OCA2: variants seen among roughly 807,000 people sequenced by gnomAD.
The protein encoded by OCA2 is P protein.
In OCA2, 77 loss-of-function variants were observed where a neutral mutation model predicts 100.2. That is an observed-to-expected ratio of 0.77 (90% CI 0.64 to 0.93). The LOEUF (loss-of-function observed/expected upper bound fraction) is 0.93. Among genes scored for constraint, OCA2 ranks in the 40% least tolerant of loss-of-function variants. The probability of loss-of-function intolerance (pLI) is 0.00; values close to 1 mark genes in which losing one functional copy is unlikely to be tolerated. For missense variants in OCA2, 1,062 were observed against 1,089.1 expected (o/e 0.98, Z 0.35); for synonymous variants, 432 against 439.2 (o/e 0.98, Z 0.21).
chr15:28,018,972 A>C (rs1595831805), intron 6 of OCA2, among the ~76,000 whole-genome samples: 1 of 152,234 alleles, frequency 6.6e-6, no homozygotes, highest in Non-Finnish European at 1.5e-5. Flanking sequence ...CAAAACACCA[A>C]GCTCAGCTGT....
At chr15:27,907,583 A>C (rs2038226395) in intron 19 of OCA2, among the ~76,000 whole-genome samples, 1 of 152,216 alleles carries the variant, frequency 6.6e-6, no homozygotes. Flanking sequence ...TTTTGAAAAA[A>C]ATTAACAAGA....
At chr15:27,777,284 C>G (rs540863622) in intron 23 of OCA2, among the ~76,000 whole-genome samples, 1 of 152,238 alleles carries the variant, frequency 6.6e-6, no homozygotes, top group African/African-American at 2.4e-5. Context: ...ACAGGTTATA[C>G]TTAATAAACG....
chr15:28,076,147 A>T (rs1362763483), intron 2 of OCA2, among the ~76,000 whole-genome samples: 1 of 152,228 alleles, frequency 6.6e-6, no homozygotes, highest in African/African-American at 2.4e-5. Context: ...AAAAACTTGT[A>T]TTACATATAG....
At chr15:27,889,274 C>T (rs1370205245) in intron 19 of OCA2, among the ~76,000 whole-genome samples, 1 of 152,166 alleles carries the variant, frequency 6.6e-6, no homozygotes, top group Non-Finnish European at 1.5e-5. Context: ...ATTTCAGATC[C>T]CTCAACTCAT....
At chr15:27,978,693 T>TC (rs1419902157) in intron 14 of OCA2, among the ~76,000 whole-genome samples, 1 of 152,054 alleles carries the variant, frequency 6.6e-6, no homozygotes, top group Non-Finnish European at 1.5e-5. Context: ...GAGAGACATT[T>TC]TTTTTTTTCC....
chr15:27,840,331 T>A (rs920396234), intron 23 of OCA2, among the ~76,000 whole-genome samples: 2 of 151,812 alleles, frequency 1.3e-5, no homozygotes, highest in Admixed American at 1.3e-4. Context: ...AAGCCACTAA[T>A]CAAAAACAAA....
At chr15:27,997,401 G>C (rs1025437309) in intron 9 of OCA2, among the ~76,000 whole-genome samples, 13 of 150,958 alleles carry the variant, frequency 8.6e-5, no homozygotes, top group African/African-American at 2.9e-4. Context: ...CATATGGCTA[G>C]CCAGTTTTCC....
At chr15:27,959,143 T>C (rs1407442099) in intron 15 of OCA2, among the ~76,000 whole-genome samples, 1 of 152,252 alleles carries the variant, frequency 6.6e-6, no homozygotes, top group African/African-American at 2.4e-5. Flanking sequence ...AGTTAGCACA[T>C]GGCTTTCTCT....
the OCA2 span, among the ~76,000 whole-genome samples, chr15:27,724,951 G>GA: frequency 6.6e-6 from 1 of 152,066 alleles, no homozygotes; most frequent in Admixed American, 6.5e-5. Context: ...AGAGTTCTGT[G>GA]AAAAAGTCAT....
chr15:28,026,750 C>CG (rs898687966), intron 4 of OCA2, among the ~76,000 whole-genome samples: 1 of 152,188 alleles, frequency 6.6e-6, no homozygotes, highest in Non-Finnish European at 1.5e-5. Flanking sequence ...CTTCGCACCC[C>CG]GGGAGGTGCA....
At chr15:27,995,600 A>T (rs181525937) in intron 9 of OCA2, among the ~76,000 whole-genome samples, 5 of 151,212 alleles carry the variant, frequency 3.3e-5, no homozygotes, top group Middle Eastern at 3.4e-3. Context: ...ATGTTGCCCA[A>T]GCTGGTCTTG....
At chr15:28,046,286 G>A (rs1034451759) in intron 2 of OCA2, among the ~76,000 whole-genome samples, 4 of 152,226 alleles carry the variant, frequency 2.6e-5, no homozygotes, top group African/African-American at 9.6e-5. Flanking sequence ...ATTTGCAAAA[G>A]TGTAGGCAGA....
chr15:28,073,917 G>A (rs552201507), intron 2 of OCA2, among the ~76,000 whole-genome samples: 25 of 151,930 alleles, frequency 1.6e-4, no homozygotes, highest in Middle Eastern at 3.4e-3. Context: ...ATTTCTGTAC[G>A]GAATCTGAGA....
At chr15:27,771,437 C>CCA (rs2031851910) in intron 23 of OCA2, among the ~76,000 whole-genome samples, 1 of 152,004 alleles carries the variant, frequency 6.6e-6, no homozygotes, top group Admixed American at 6.5e-5. Context: ...TGGGCCGCCC[C>CCA]TCCGTGTGCT....
At chr15:27,999,465 A>G (rs974568478) in intron 9 of OCA2, among the ~76,000 whole-genome samples, 4 of 152,234 alleles carry the variant, frequency 2.6e-5, no homozygotes, top group African/African-American at 9.6e-5. Context: ...TAAATGTACC[A>G]CAACGTAATA....
At chr15:27,926,384 G>T in intron 18 of OCA2, 130 bp from the exon 19 acceptor site, 2 of 962,560 alleles carry the variant, frequency 2.1e-6, no homozygotes, top group Non-Finnish European at 3.3e-6. Flanking sequence ...TATGTAAAAT[G>T]CATATAATTT....
chr15:27,812,244 A>G (rs985061648), intron 23 of OCA2, among the ~76,000 whole-genome samples: 4 of 152,344 alleles, frequency 2.6e-5, no homozygotes, highest in Admixed American at 2.0e-4. Flanking sequence ...AACTCCTTTT[A>G]ACAACAAAAT....
At position 27,872,080 on chromosome 15, in the gene OCA2, T is replaced by C. The variant is rs2036602296; in HGVS notation, c.2080-158A>G. 6.6e-6 allele frequency among the ~76,000 whole-genome samples: 1 copy of C among 152,198 alleles called. No individual in the cohort carries two copies. Among genetic ancestry groups the C allele is most frequent in the African/African-American group, 2.4e-5 (1 of 41,456 alleles). On this transcript the variant is annotated intron_variant, in intron 19 of 23. Transcript: ENST00000354638. Reference sequence around the variant, plus strand: ...ACTCAAATACACAGTCTATAAATAATTTACTATCATATATGCACAACGAAG... The same window carrying C: ...ACTCAAATACACAGTCTATAAATAACTTACTATCATATATGCACAACGAAG...
rs143361803 is a variant in OCA2, at chr15:28,039,645, G to A, written c.228-7482C>T. On this transcript the variant is annotated intron_variant, in intron 2 of 23. Transcript: ENST00000354638. ...TAACCCCTAGTACCCCACAATGTGT[G>A]AATGTGTTTGGAGATGAGGTCTTTC... Among the ~76,000 whole-genome samples, 764 of 152,292 alleles carry A rather than the reference G, an allele frequency of 5.0e-3. 8 individuals carry two copies. The highest frequency in any genetic ancestry group is 0.017 in the African/African-American group (703 of 41,554).
Sources: gnomAD v4.1 joint callset for allele counts (sites outside exome capture counted in the v4.1 genomes callset) on GRCh38, gnomAD v4.1.1 for gene constraint, MANE v1.5 for transcripts, NCBI Gene and HGNC (gene_info 2026-07-23, HGNC 2026-07-21) for gene names.